RBFOX1: variants seen among roughly 807,000 people sequenced by gnomAD.
RBFOX1 encodes RNA binding protein fox-1 homolog 1.
A neutral mutation model predicts 57.7 loss-of-function variants in RBFOX1; 8 were observed. The observed-to-expected ratio is 0.14, with a 90% confidence interval of 0.08 to 0.25. RBFOX1 has a LOEUF of 0.25. RBFOX1 is among the 10% of genes least tolerant of loss of function. RBFOX1 has a pLI of 1.00. For synonymous variants in RBFOX1, 326 were observed against 222.4 expected (o/e 1.47, Z -4.15); for missense variants, 611 against 548.5 (o/e 1.11, Z -1.14).
intron 1 of RBFOX1, among the ~76,000 whole-genome samples, chr16:5,385,046 AAAG>A (rs1307007552): frequency 4.6e-5 from 7 of 152,238 alleles, no homozygotes; most frequent in African/African-American, 7.2e-5. Context: ...TGTTAACACA[AAAG>A]AAGAACAGAA....
intron 4 of RBFOX1, among the ~76,000 whole-genome samples, chr16:7,249,808 T>G (rs1008106760): frequency 5.9e-5 from 9 of 151,772 alleles, no homozygotes; most frequent in African/African-American, 2.2e-4. Context: ...CAGGACTTTC[T>G]GGAGTCAGTT....
chr16:7,080,742 C>G (rs188714160), intron 4 of RBFOX1, among the ~76,000 whole-genome samples: 1 of 152,108 alleles, frequency 6.6e-6, no homozygotes, highest in Non-Finnish European at 1.5e-5. Flanking sequence ...AATAGTTCAA[C>G]CCTCTCCATC....
intron 4 of RBFOX1, among the ~76,000 whole-genome samples, chr16:7,340,622 G>C (rs2096873970): frequency 6.6e-6 from 1 of 152,144 alleles, no homozygotes; most frequent in Admixed American, 6.5e-5. Context: ...TCAGATTCAT[G>C]ATCCATGCAG....
At chr16:5,792,770 G>T (rs1184484124) in intron 3 of RBFOX1, among the ~76,000 whole-genome samples, 1 of 152,188 alleles carries the variant, frequency 6.6e-6, no homozygotes, top group African/African-American at 2.4e-5. Context: ...TTGCACCCTG[G>T]AGGTGGAGGT....
chr16:5,468,946 C>G (rs529038672), intron 2 of RBFOX1, among the ~76,000 whole-genome samples: 2 of 152,352 alleles, frequency 1.3e-5, no homozygotes, highest in Non-Finnish European at 2.9e-5. Context: ...GGGCTGGGAA[C>G]TGAGAACAGA....
chr16:7,485,514 G>T (rs929582314), intron 4 of RBFOX1, among the ~76,000 whole-genome samples: 2 of 152,180 alleles, frequency 1.3e-5, no homozygotes, highest in African/African-American at 4.8e-5. Context: ...CAGGGAATGA[G>T]GTGAATGAGC....
intron 3 of RBFOX1, among the ~76,000 whole-genome samples, chr16:6,849,784 G>C (rs575521212): frequency 6.6e-6 from 1 of 152,134 alleles, no homozygotes; most frequent in Non-Finnish European, 1.5e-5. Flanking sequence ...TCTCCTCCAA[G>C]AAGCCACCTT....
Position 5,406,511 on chromosome 16 carries a change from A to G in RBFOX1, c.220-60705A>G, listed in dbSNP as rs188018707. 5.9e-5 allele frequency among the ~76,000 whole-genome samples: 9 copies of G among 152,196 alleles called. No individual in the cohort carries two copies. In the East Asian group the frequency reaches 9.6e-4, roughly 16 times the overall value. ...CAGATTGTGGAACTTCTTAATCTCC[A>G]TAATTCTTTAAGTGTCATACCTTAT... On this transcript the variant is annotated intron_variant, in intron 1 of 2. Coordinates refer to the RBFOX1 transcript ENST00000585867.
intron 4 of RBFOX1, among the ~76,000 whole-genome samples, chr16:7,054,441 C>T (rs1033564704): frequency 2.7e-5 from 4 of 149,486 alleles, no homozygotes; most frequent in Non-Finnish European, 5.9e-5. Context: ...TGGGGTTTCA[C>T]CATGTTGGCC....
At position 5,895,184 on chromosome 16, in the gene RBFOX1, C is replaced by G. The variant is rs35906724; in HGVS notation, c.351+27849C>G. Reference sequence around the variant, plus strand: ...CCATATCAACATTTCATGCCCTTGCCTGCTATAAATGCTGAGGTCATAGTG... The same window carrying G: ...CCATATCAACATTTCATGCCCTTGCGTGCTATAAATGCTGAGGTCATAGTG... On this transcript the variant is annotated intron_variant, in intron 4 of 19. Transcript: ENST00000641259. Among the ~76,000 whole-genome samples the G allele has an allele frequency of 3.5e-4, 54 of 152,310 alleles. 1 individual carries two copies. The East Asian group carries it at 9.1e-3, about 26-fold the overall frequency.
intron 2 of RBFOX1, among the ~76,000 whole-genome samples, chr16:6,530,815 C>A (rs1254417769): frequency 6.6e-6 from 1 of 152,002 alleles, no homozygotes; most frequent in Non-Finnish European, 1.5e-5. Context: ...AAACACCTGC[C>A]CCCATGATTC....
Position 5,966,603 on chromosome 16 carries a change from T to G in RBFOX1, c.351+99268T>G, listed in dbSNP as rs1399340116. On this transcript the variant is annotated intron_variant, in intron 4 of 19. Coordinates refer to the RBFOX1 transcript ENST00000641259. The stretch of plus-strand genomic sequence containing the variant: ...CCAAGTAGCTGGGATTACAGCACCT[T>G]CCACCACAGCCAGCTAATTTTTGTA... Among the ~76,000 whole-genome samples, 5 of 152,128 alleles carry G rather than the reference T, an allele frequency of 3.3e-5. No homozygotes were observed. The East Asian group carries it at 9.7e-4, about 29-fold the overall frequency.
At chr16:5,695,567 G>C (rs4786756) in intron 3 of RBFOX1, among the ~76,000 whole-genome samples, 143,090 of 152,244 alleles carry the variant, frequency 0.94, 67,431 homozygotes, top group East Asian at 1. Flanking sequence ...TCAATCTTAG[G>C]ATTGCTAAAA....
At chr16:7,376,050 T>C (rs940446848) in intron 4 of RBFOX1, among the ~76,000 whole-genome samples, 2 of 152,226 alleles carry the variant, frequency 1.3e-5, no homozygotes, top group Non-Finnish European at 2.9e-5. Context: ...TTTTATTTTT[T>C]ATTGTTCTGA....
rs181206973 is a variant in RBFOX1 at position 5,471,051 on chromosome 16, C to T, written c.258+3797C>T. On this transcript the variant is annotated intron_variant, in intron 2 of 2. Coordinates refer to the RBFOX1 transcript ENST00000585867. ...TATTTTTAGTAGAGACGGGGCTGGT[C>T]TCAAACTCCTGACCTCAGGTGATCC... Among the ~76,000 whole-genome samples, 633 of 152,226 alleles carry T rather than the reference C, an allele frequency of 4.2e-3. 2 individuals carry two copies. The highest frequency in any genetic ancestry group is 0.015 in the African/African-American group (611 of 41,536).
chr16:6,107,054 G>A (rs895955839), intron 1 of RBFOX1, among the ~76,000 whole-genome samples: 1 of 152,204 alleles, frequency 6.6e-6, no homozygotes, highest in Admixed American at 6.5e-5. Flanking sequence ...ATAATCAGCA[G>A]CCCAGAGAAG....
chr16:6,457,691 G>C (rs1279511711), intron 2 of RBFOX1, among the ~76,000 whole-genome samples: 2 of 152,160 alleles, frequency 1.3e-5, no homozygotes, highest in Non-Finnish European at 2.9e-5. Flanking sequence ...AGGCACAGGA[G>C]TAGGTGCTGG....
intron 4 of RBFOX1, among the ~76,000 whole-genome samples, chr16:7,196,124 C>T (rs549296000): frequency 4.6e-5 from 7 of 152,154 alleles, no homozygotes; most frequent in African/African-American, 1.2e-4. Flanking sequence ...CCTACTCCTC[C>T]TCATTTTTCT....
At chr16:7,478,430 T>A (rs528308669) in intron 4 of RBFOX1, among the ~76,000 whole-genome samples, 1 of 152,256 alleles carries the variant, frequency 6.6e-6, no homozygotes, top group South Asian at 2.1e-4. Flanking sequence ...AGAGAAATAG[T>A]GTAGCAATCT....
Sources: allele counts gnomAD v4.1 joint callset (sites outside exome capture counted in the v4.1 genomes callset), GRCh38; gene constraint gnomAD v4.1.1; transcripts MANE v1.5; gene names NCBI Gene and HGNC (gene_info 2026-07-23, HGNC 2026-07-21).